Variants in COL5A1 observed in about 807,000 individuals in gnomAD.
COL5A1 encodes collagen type V alpha 1 chain, also known as collagen alpha-1(V) chain.
COL5A1 carries 16 observed loss-of-function variants against 263.7 expected under a neutral mutation model. The ratio of observed to expected loss-of-function variants is 0.06; its 90% CI spans 0.04 to 0.09. The LOEUF (loss-of-function observed/expected upper bound fraction) is 0.09, where lower values mean the gene tolerates loss of function less well. COL5A1 is among the 10% of genes least tolerant of loss of function. COL5A1 has a pLI of 1.00. For synonymous variants in COL5A1, 1,012 were observed against 1,004.5 expected, an observed-to-expected ratio of 1.01 and a Z score of -0.14; for missense variants, 2,036 against 2,540.5, an observed-to-expected ratio of 0.80 and a Z score of 4.27.
chr9:134,777,935 G>A (rs569253062), intron 27 of COL5A1, among the ~76,000 whole-genome samples: 80 of 152,332 alleles, frequency 5.3e-4, no homozygotes, highest in African/African-American at 1.7e-3. Flanking sequence ...AGCCACACCT[G>A]CGATTTTCCT....
At chr9:134,833,790 C>G (rs1009294127) in intron 64 of COL5A1, among the ~76,000 whole-genome samples, 1 of 152,242 alleles carries the variant, frequency 6.6e-6, no homozygotes, top group African/African-American at 2.4e-5. Context: ...ACATCCTGGG[C>G]ACCCAGCAGA....
At position 134,642,620 on chromosome 9, in the gene COL5A1, T is replaced by G. The variant is rs970003466; in HGVS notation, c.109+324T>G. ...TTTTGTCCCAAAAACCTTCCTTCTC[T>G]GTCCCACATCACAGGCGCCCAGCTT... On this transcript the variant is annotated intron_variant, in intron 1 of 65. Coordinates refer to ENST00000371817, the MANE Select transcript of COL5A1 (RefSeq NM_000093.5). This position sits in a 1 kb window ranked among gnomAD's most constrained non-coding sequence, Gnocchi z 4.5. Among the ~76,000 whole-genome samples the G allele has an allele frequency of 3.2e-4, 49 of 152,334 alleles. No homozygotes were observed. Among genetic ancestry groups the G allele is most frequent in the African/African-American group, 1.1e-3 (46 of 41,580 alleles).
At chr9:134,715,479 G>A (rs1340252371) in intron 4 of COL5A1, among the ~76,000 whole-genome samples, 2 of 152,166 alleles carry the variant, frequency 1.3e-5, no homozygotes, top group Non-Finnish European at 2.9e-5. Flanking sequence ...CTTCATGGGT[G>A]TCAGTCTGGG....
Position 134,815,876 on chromosome 9 carries a change from G to C in COL5A1, c.4069-59G>C. On this transcript the variant is annotated intron_variant, in intron 51 of 65. Transcript: ENST00000371817. ...GGGGCTGGAGATGCATTGGGAACTGGTGCATGAACTCAGGGTGCCATCCGG... is the reference window on the plus strand; with the variant it reads ...GGGGCTGGAGATGCATTGGGAACTGCTGCATGAACTCAGGGTGCCATCCGG... The C allele has an allele frequency of 3.1e-6, 5 of 1,588,372 alleles. No homozygotes were observed. The South Asian group carries it at 5.5e-5, about 18-fold the overall frequency.
chr9:134,803,045 A>G, intron 39 of COL5A1, 50 bp downstream of exon 39: 1 of 1,442,496 alleles, frequency 6.9e-7, no homozygotes, highest in South Asian at 1.2e-5. Context: ...CTCAGGAATC[A>G]TTTTGGGACT....
At position 134,806,203 on chromosome 9, in the gene COL5A1, G is replaced by A; in HGVS notation, c.3273G>A (p.Glu1091=). 1.3e-6 allele frequency: 2 copies of A among 1,550,754 alleles called. No homozygotes were observed. The highest frequency in any genetic ancestry group is 1.7e-6 in the Non-Finnish European group (2 of 1,146,802). ...CTCCACCTCAGGGATCTCCAGGGGA[G>A]AGAGGTCCAGCTGGAGCCGCTGGGC... ...GPPGPAGSPG[E]RGPAGAAGPI... is the part of the protein sequence containing the mutation. Residue 1091 remains glutamate, a synonymous_variant, in exon 42 of 66, where the codon GAG becomes GAA. Transcript: ENST00000371817.
At chr9:134,740,929 G>T (rs1352021529) in intron 11 of COL5A1, among the ~76,000 whole-genome samples, 2 of 152,184 alleles carry the variant, frequency 1.3e-5, no homozygotes, top group African/African-American at 4.8e-5. Flanking sequence ...TCCAGGGTCT[G>T]CCATCCGTGG....
At chr9:134,783,149 C>A (rs147786099) in intron 29 of COL5A1, among the ~76,000 whole-genome samples, 1 of 152,218 alleles carries the variant, frequency 6.6e-6, no homozygotes, top group East Asian at 1.9e-4. Flanking sequence ...GCCACACGGC[C>A]GGCGCCCACA....
intron 1 of COL5A1, among the ~76,000 whole-genome samples, chr9:134,685,374 CCCATCCATTCATCCATCCATCCA>C (rs1564386332): frequency 1.3e-4 from 6 of 45,960 alleles, no homozygotes; most frequent in Admixed American, 4.5e-4. Context: ...CATCCATTCA[CCCATCCATTCATCCATCCATCCA>C]CCATCCATCC....
chr9:134,806,190 G>C lies in COL5A1; in HGVS notation c.3260G>C (p.Gly1087Ala), dbSNP rs559882772. The change falls in exon 42 of 66, where the codon GGA becomes GCA. Residue 1087 changes from glycine to alanine, a missense_variant and splice_region_variant. Physicochemically the swap from Gly to Ala is moderately conservative, Grantham distance 60. Transcript: ENST00000371817. Reference protein sequence around the residue: ...EGPPGPPGPAGSPGERGPAGA... With the variant: ...EGPPGPPGPAASPGERGPAGA... ...GACTGTTTTCTTGCTCCACCTCAGGGATCTCCAGGGGAGAGAGGTCCAGCT... is the reference window on the plus strand; with the variant it reads ...GACTGTTTTCTTGCTCCACCTCAGGCATCTCCAGGGGAGAGAGGTCCAGCT... 3.9e-4 allele frequency: 608 copies of C among 1,549,694 alleles called. 9 individuals carry two copies. The South Asian group carries it at 7.0e-3, about 18-fold the overall frequency.
rs370427462 is a variant in COL5A1 at position 134,824,900 on chromosome 9, G to A, written c.4954+45G>A. The stretch of plus-strand genomic sequence containing the variant: ...GGGGTGGCCCCCCAAAGCGGGCATG[G>A]ACCTGCAGGACACATGGAGTGTGGC... On this transcript the variant is annotated intron_variant, in intron 62 of 65. Transcript: ENST00000371817. 9.8e-4 allele frequency: 1,537 copies of A among 1,574,416 alleles called. 4 individuals are homozygous for A. Among genetic ancestry groups the A allele is most frequent in the Non-Finnish European group, 1.3e-3 (1,458 of 1,164,234 alleles).
rs1834697366 is a variant in COL5A1, at chr9:134,727,261, T to C, written c.655-5T>C. On this transcript the variant is annotated splice_polypyrimidine_tract_variant and splice_region_variant and intron_variant, in intron 4 of 65. Transcript: ENST00000371817. ...GCTTTTTCATGAGCGTCTCTTCTTT[T>C]CCAGGGTGACATCCAGCAGCTGCTC... 6.2e-7 allele frequency: 1 copy of C among 1,613,602 alleles called. No individual in the cohort carries two copies. The highest frequency in any genetic ancestry group is 2.2e-5 in the East Asian group (1 of 44,890).
At chr9:134,839,235 T>G (rs1244574920) in intron 65 of COL5A1, among the ~76,000 whole-genome samples, 2 of 152,204 alleles carry the variant, frequency 1.3e-5, no homozygotes, top group South Asian at 4.1e-4. Context: ...CCCCGCCGCA[T>G]AAATCCTGGT....
intron 1 of COL5A1, among the ~76,000 whole-genome samples, chr9:134,648,203 G>A (rs372359453): frequency 2.6e-5 from 4 of 151,616 alleles, no homozygotes; most frequent in East Asian, 3.9e-4. Context: ...TTTGGGACTC[G>A]GACTTGCTCT....
At position 134,729,826 on chromosome 9, in the gene COL5A1, G is replaced by A. The variant is rs560920701; in HGVS notation, c.925-410G>A. On this transcript the variant is annotated intron_variant, in intron 6 of 65. Coordinates refer to ENST00000371817, the MANE Select transcript of COL5A1 (RefSeq NM_000093.5). ...TGTGAGCGTGTGTGCATGCGGGCAC[G>A]GGTGTGCATGAGCCTGTGTGTGTGA... Among the ~76,000 whole-genome samples, 220 of 151,630 alleles carry A rather than the reference G, an allele frequency of 1.5e-3. 2 individuals carry two copies. Among genetic ancestry groups the A allele is most frequent in the Admixed American group, 3.1e-3 (48 of 15,240 alleles).
chr9:134,714,434 A>C (rs1166717249), intron 4 of COL5A1, among the ~76,000 whole-genome samples: 3 of 38,250 alleles, frequency 7.8e-5, no homozygotes, highest in Non-Finnish European at 1.9e-4. Flanking sequence ...GGTGATGTTT[A>C]TGGTGGTGGA....
Position 134,805,017 on chromosome 9 carries a change from C to G in COL5A1, c.3157C>G (p.Pro1053Ala). 6.2e-7 allele frequency: 1 copy of G among 1,613,988 alleles called. No individual in the cohort carries two copies. Among genetic ancestry groups the G allele is most frequent in the Non-Finnish European group, 8.5e-7 (1 of 1,180,030 alleles). Residue 1053 changes from proline (P) to alanine (A), a missense_variant, in exon 40 of 66, where the codon CCA becomes GCA. Pro to Ala is a conservative substitution (Grantham distance 27, BLOSUM62 -1). Around this residue, in one of 3 missense-constraint regions of COL5A1, gnomAD observed 1,078 missense variants for 1,521.4 expected, o/e 0.71. Transcript: ENST00000371817. ...PAGLPGKDGP[P>A]GLRGFPGDRG... Reference sequence around the variant, plus strand: ...AGGCCTCCCTGGGAAAGATGGCCCTCCAGGATTACGTGGTTTCCCTGGGGA... The same window carrying G: ...AGGCCTCCCTGGGAAAGATGGCCCTGCAGGATTACGTGGTTTCCCTGGGGA...
At chr9:134,814,684 C>G (rs1176726839) in intron 49 of COL5A1, 113 bp from the exon 50 acceptor site, 7 of 827,442 alleles carry the variant, frequency 8.5e-6, no homozygotes, top group South Asian at 5.8e-5. Context: ...CAGGGCTCAG[C>G]AGATACTTGG....
At chr9:134,657,728 T>G (rs1330268922) in intron 1 of COL5A1, among the ~76,000 whole-genome samples, 1 of 148,924 alleles carries the variant, frequency 6.7e-6, no homozygotes, top group Non-Finnish European at 1.5e-5. Flanking sequence ...CAGATGAGTT[T>G]CCTTTGCCCG....
Sources: allele counts gnomAD v4.1 joint callset (sites outside exome capture counted in the v4.1 genomes callset), GRCh38; gene constraint gnomAD v4.1.1; regional missense constraint gnomAD v4.1.1; non-coding constraint Gnocchi (gnomAD v3.1); transcripts MANE v1.5; gene names NCBI Gene and HGNC (gene_info 2026-07-23, HGNC 2026-07-21).